HSD17B12: variants seen among roughly 807,000 people sequenced by gnomAD.
The protein encoded by HSD17B12 is hydroxysteroid 17-beta dehydrogenase 12.
A neutral mutation model predicts 39.3 loss-of-function variants in HSD17B12; 32 were observed. The observed-to-expected ratio is 0.81, with a 90% CI of 0.61 to 1.09. HSD17B12 has a LOEUF of 1.09. Among genes scored for constraint, HSD17B12 ranks in the 50% least tolerant of loss-of-function variants. The probability of loss-of-function intolerance (pLI) is 0.00; values close to 1 mark genes in which losing one functional copy is unlikely to be tolerated. For missense variants in HSD17B12, 342 were observed against 382.9 expected, an observed-to-expected ratio of 0.89 and a Z score of 0.89; for synonymous variants, 150 against 146.7, an observed-to-expected ratio of 1.02 and a Z score of -0.16.
intron 4 of HSD17B12, among the ~76,000 whole-genome samples, chr11:43,814,975 G>T (rs1951108078): frequency 6.6e-6 from 1 of 152,112 alleles, no homozygotes; most frequent in Admixed American, 6.6e-5. Context: ...AACAAAATGC[G>T]ATGCATATTG....
intron 6 of HSD17B12, among the ~76,000 whole-genome samples, chr11:43,819,440 A>T (rs1951160835): frequency 1.3e-5 from 2 of 152,160 alleles, no homozygotes; most frequent in Admixed American, 1.3e-4. Flanking sequence ...ACAGATCAGC[A>T]TATTCAGTGG....
chr11:43,620,881 A>G, the HSD17B12 span, among the ~76,000 whole-genome samples: 1 of 152,242 alleles, frequency 6.6e-6, no homozygotes, highest in East Asian at 1.9e-4. Context: ...TCCCAGGAAC[A>G]ATAATGTAGG....
chr11:43,637,688 A>G, the HSD17B12 span, among the ~76,000 whole-genome samples: 1 of 152,216 alleles, frequency 6.6e-6, no homozygotes, highest in Non-Finnish European at 1.5e-5. Context: ...TTGAAGACGC[A>G]AAGTTAATAG....
chr11:43,737,979 A>C (rs1034537171), intron 1 of HSD17B12, among the ~76,000 whole-genome samples: 1 of 150,834 alleles, frequency 6.6e-6, no homozygotes, highest in Non-Finnish European at 1.5e-5. Flanking sequence ...AGGCTGAGGC[A>C]GGAGAATGAT....
chr11:43,711,951 C>T (rs1950070742), intron 1 of HSD17B12, among the ~76,000 whole-genome samples: 1 of 152,138 alleles, frequency 6.6e-6, no homozygotes, highest in Non-Finnish European at 1.5e-5. Flanking sequence ...AATGGACTCC[C>T]TCATCAGCAA....
intron 1 of HSD17B12, among the ~76,000 whole-genome samples, chr11:43,688,782 G>A (rs1949826183): frequency 6.6e-6 from 1 of 152,152 alleles, no homozygotes; most frequent in Non-Finnish European, 1.5e-5. Flanking sequence ...GTTGACCTTA[G>A]GCAAAAATAG....
At chr11:43,623,691 A>G in the HSD17B12 span, among the ~76,000 whole-genome samples, 5 of 151,988 alleles carry the variant, frequency 3.3e-5, no homozygotes, top group Admixed American at 6.6e-5. Context: ...AACCCGAGGG[A>G]AAAAAAGAGG....
chr11:43,571,967 CAG>C, the HSD17B12 span, among the ~76,000 whole-genome samples: 1 of 152,172 alleles, frequency 6.6e-6, no homozygotes, highest in Non-Finnish European at 1.5e-5. Flanking sequence ...TTTTCAGAAT[CAG>C]AAAAATAATC....
At chr11:43,637,951 ACT>A in the HSD17B12 span, among the ~76,000 whole-genome samples, 1 of 152,176 alleles carries the variant, frequency 6.6e-6, no homozygotes, top group Non-Finnish European at 1.5e-5. Flanking sequence ...CCCTCTGTGC[ACT>A]TGAAGGCTCT....
the HSD17B12 span, among the ~76,000 whole-genome samples, chr11:43,568,438 G>A: frequency 6.6e-5 from 10 of 152,034 alleles, no homozygotes; most frequent in South Asian, 6.2e-4. Context: ...TTCAGCCCTC[G>A]AGGCAATTAA....
At chr11:43,588,636 A>ATTAT in the HSD17B12 span, among the ~76,000 whole-genome samples, 1 of 149,476 alleles carries the variant, frequency 6.7e-6, no homozygotes. Context: ...TATTATTATT[A>ATTAT]TAGTGTTCTC....
chr11:43,562,579 T>C, the HSD17B12 span, among the ~76,000 whole-genome samples: 1 of 152,194 alleles, frequency 6.6e-6, no homozygotes, highest in Non-Finnish European at 1.5e-5. Flanking sequence ...CTATTATACC[T>C]CTGGACCAGG....
intron 1 of HSD17B12, among the ~76,000 whole-genome samples, chr11:43,727,506 T>C (rs1224214593): frequency 6.6e-6 from 1 of 150,746 alleles, no homozygotes; most frequent in African/African-American, 2.4e-5. Context: ...TTTTTTTCGA[T>C]AGGGAGTCTT....
chr11:43,708,679 C>T (rs1201108606), intron 1 of HSD17B12, among the ~76,000 whole-genome samples: 6 of 152,184 alleles, frequency 3.9e-5, no homozygotes, highest in Admixed American at 3.9e-4. Context: ...ATGTAGGTTA[C>T]TCTGTGCCTA....
At chr11:43,824,149 G>C (rs1381286409) in intron 6 of HSD17B12, among the ~76,000 whole-genome samples, 1 of 152,100 alleles carries the variant, frequency 6.6e-6, no homozygotes, top group Non-Finnish European at 1.5e-5. Context: ...CCGGATATAT[G>C]CAGTAAGTTA....
At chr11:43,595,802 A>G in the HSD17B12 span, among the ~76,000 whole-genome samples, 1 of 152,224 alleles carries the variant, frequency 6.6e-6, no homozygotes, top group Non-Finnish European at 1.5e-5. Context: ...CCCATTGTAC[A>G]TGAAAACATT....
intron 3 of HSD17B12, among the ~76,000 whole-genome samples, chr11:43,759,064 G>T (rs1012209134): frequency 6.6e-6 from 1 of 152,256 alleles, no homozygotes; most frequent in East Asian, 1.9e-4. Context: ...GTCTCTTCTA[G>T]TCCAACATTT....
At chr11:43,668,865 AT>A in the HSD17B12 span, among the ~76,000 whole-genome samples, 12 of 148,586 alleles carry the variant, frequency 8.1e-5, no homozygotes, top group South Asian at 2.3e-3. Context: ...AAAAAAAAAA[AT>A]TTTTTTTTTA....
chr11:43,646,254 A>C, the HSD17B12 span: 1 of 152,228 alleles, frequency 6.6e-6, no homozygotes, highest in African/African-American at 2.4e-5. Flanking sequence ...TTGATAGGCT[A>C]ATATTGTTGG....
Sources: gnomAD v4.1 joint callset for allele counts (sites outside exome capture counted in the v4.1 genomes callset) on GRCh38, gnomAD v4.1.1 for gene constraint, MANE v1.5 for transcripts, NCBI Gene and HGNC (gene_info 2026-07-23, HGNC 2026-07-21) for gene names.